PYM1: variants seen among roughly 807,000 people sequenced by gnomAD.
PYM1 encodes partner of Y14 and mago.
In PYM1, 7 loss-of-function variants were observed where a neutral mutation model predicts 20.7. That is an observed-to-expected ratio of 0.34 (90% CI 0.19 to 0.64). PYM1 has a LOEUF of 0.64. Among genes scored for constraint, PYM1 ranks in the 30% least tolerant of loss-of-function variants. PYM1 has a pLI of 0.74. For synonymous variants in PYM1, 100 were observed against 99.2 expected (o/e 1.01, Z -0.05); for missense variants, 194 against 250.0 (o/e 0.78, Z 1.51).
chr12:55,915,169 C>T (rs1257277256), intron 1 of PYM1, among the ~76,000 whole-genome samples: 1 of 129,582 alleles, frequency 7.7e-6, no homozygotes, highest in Non-Finnish European at 1.6e-5. Flanking sequence ...AAGCCAAGAT[C>T]GTGCCACTGC....
chr12:55,921,260 T>C (rs1476423874), intron 1 of PYM1, among the ~76,000 whole-genome samples: 1 of 152,208 alleles, frequency 6.6e-6, no homozygotes, highest in Non-Finnish European at 1.5e-5. Context: ...TGTTGGACAC[T>C]TTTTATGTGC....
intron 1 of PYM1, among the ~76,000 whole-genome samples, chr12:55,920,233 T>C (rs1305796512): frequency 6.6e-6 from 1 of 151,154 alleles, no homozygotes; most frequent in Non-Finnish European, 1.5e-5. Flanking sequence ...GAAAAACTAG[T>C]TGCTCATGCC....
intron 2 of PYM1, 71 bp from the exon 3 acceptor site, chr12:55,902,426 A>G: frequency 6.6e-7 from 1 of 1,523,400 alleles, no homozygotes; most frequent in Non-Finnish European, 8.8e-7. Context: ...TTAAACTTCC[A>G]AACACTTCAT....
At position 55,923,518 on chromosome 12, in the gene PYM1, T is replaced by C. The variant is rs1437695800; in HGVS notation, c.37+4207A>G. Among the ~76,000 whole-genome samples the C allele has an allele frequency of 3.3e-5, 5 of 151,242 alleles. No individual in the cohort carries two copies. The South Asian group carries it at 1.0e-3, about 31-fold the overall frequency. ...AAGTTAAGACTACAGTAAATGGTGA[T>C]TGCACCACTGCACTCCAGCCTGGGT... On this transcript the variant is annotated intron_variant, in intron 1 of 2. Coordinates refer to ENST00000408946, the MANE Select transcript of PYM1 (RefSeq NM_032345.3).
intron 1 of PYM1, among the ~76,000 whole-genome samples, chr12:55,905,892 T>TTA (rs1227127318): frequency 1.4e-5 from 1 of 69,470 alleles, no homozygotes; most frequent in Non-Finnish European, 3.0e-5. Context: ...ATATATATTA[T>TTA]TATATATATC....
At chr12:55,902,379 GA>G in intron 2 of PYM1, 24 bp from the exon 3 acceptor site, 1 of 1,579,564 alleles carries the variant, frequency 6.3e-7, no homozygotes, top group Non-Finnish European at 8.6e-7. Flanking sequence ...AGGATGTCAA[GA>G]GTTTCAGAGA....
In PYM1 at chr12:55,902,056, G is replaced by A; in HGVS notation, c.431C>T (p.Ser144Leu). 1 of 1,614,136 alleles carries A rather than the reference G, an allele frequency of 6.2e-7. No individual in the cohort carries two copies. Among genetic ancestry groups the A allele is most frequent in the Non-Finnish European group, 8.5e-7 (1 of 1,180,030 alleles). ...CTTGGCTTTCTCAGTGGTGGCAGCTGAGTCAGGCTGGTCAGATGCAGCTGT... is the reference window on the plus strand; with the variant it reads ...CTTGGCTTTCTCAGTGGTGGCAGCTAAGTCAGGCTGGTCAGATGCAGCTGT... ...APTAASDQPD[S>L]AATTEKAKKI... The change falls in exon 3 of 3, where the codon TCA becomes TTA. Residue 144 changes from serine (S) to leucine (L), a missense_variant. Ser to Leu is a moderately radical substitution (Grantham distance 145). Around this residue, in one of 3 missense-constraint regions of PYM1, gnomAD observed 158 missense variants for 179.0 expected, o/e 0.88. Transcript: ENST00000408946.
intron 1 of PYM1, among the ~76,000 whole-genome samples, chr12:55,911,750 A>T (rs909944528): frequency 6.6e-6 from 1 of 151,690 alleles, no homozygotes; most frequent in African/African-American, 2.4e-5. Context: ...CTGAGGCAGG[A>T]GAATCACTTG....
At chr12:55,923,901 C>T (rs1412666805) in intron 1 of PYM1, among the ~76,000 whole-genome samples, 13 of 152,122 alleles carry the variant, frequency 8.5e-5, no homozygotes, top group Admixed American at 6.6e-4. Flanking sequence ...TATGATGAAA[C>T]CCTGTCTCTA....
chr12:55,905,987 A>ATCTATTAGATAT (rs1565714584), intron 1 of PYM1, among the ~76,000 whole-genome samples: 18 of 124,436 alleles, frequency 1.4e-4, no homozygotes, highest in African/African-American at 3.4e-4. Flanking sequence ...TATTATATAT[A>ATCTATTAGATAT]ATATAAAATA....
chr12:55,916,701 G>C (rs1037120457), intron 1 of PYM1, among the ~76,000 whole-genome samples: 3 of 152,188 alleles, frequency 2.0e-5, no homozygotes, highest in East Asian at 1.9e-4. Context: ...GGGAGGCTGA[G>C]GCAGAAGAAT....
At chr12:55,926,608 G>C (rs1883191630) in intron 1 of PYM1, among the ~76,000 whole-genome samples, 1 of 152,180 alleles carries the variant, frequency 6.6e-6, no homozygotes, top group East Asian at 1.9e-4. Context: ...GAGAGGAAAA[G>C]GTACTATGTA....
At chr12:55,912,279 G>T (rs1882936789) in intron 1 of PYM1, among the ~76,000 whole-genome samples, 1 of 151,970 alleles carries the variant, frequency 6.6e-6, no homozygotes, top group African/African-American at 2.4e-5. Context: ...TTGAGTCTGG[G>T]AAGTGGAGGT....
intron 1 of PYM1, chr12:55,927,144 C>G: frequency 6.4e-7 from 1 of 1,551,422 alleles, no homozygotes; most frequent in Non-Finnish European, 8.7e-7. Context: ...CGTGAGCGGG[C>G]TGGGGTCCCG....
At chr12:55,924,964 C>T (rs1465832421) in intron 1 of PYM1, among the ~76,000 whole-genome samples, 2 of 152,072 alleles carry the variant, frequency 1.3e-5, no homozygotes, top group African/African-American at 4.8e-5. Context: ...GGATTATAGG[C>T]GTGAGCCGCC....
At chr12:55,907,722 T>C (rs996200001) in intron 1 of PYM1, among the ~76,000 whole-genome samples, 4 of 151,350 alleles carry the variant, frequency 2.6e-5, no homozygotes, top group Admixed American at 2.6e-4. Context: ...GTGGATCACT[T>C]AAGGTCAGGA....
intron 1 of PYM1, among the ~76,000 whole-genome samples, chr12:55,915,341 C>T (rs533682062): frequency 6.6e-6 from 1 of 151,498 alleles, no homozygotes; most frequent in African/African-American, 2.4e-5. Flanking sequence ...CTGGTTATCT[C>T]CACAAATACA....
chr12:55,903,407 C>T lies in PYM1; in HGVS notation c.111G>A (p.Val37=). Residue 37 remains valine, a synonymous_variant, in exon 2 of 3, where the codon GTG becomes GTA. Transcript: ENST00000408946. Reference sequence around the variant, plus strand: ...CGTACACTGGGACCTCCTCCTGGGGCACATATCCTTCTTTCACCCTCCGCT... The same window carrying T: ...CGTACACTGGGACCTCCTCCTGGGGTACATATCCTTCTTTCACCCTCCGCT... ...RKQRRVKEGY[V]PQEEVPVYEN... 6.2e-7 allele frequency: 1 copy of T among 1,614,070 alleles called. No homozygotes were observed. Among genetic ancestry groups the T allele is most frequent in the East Asian group, 2.2e-5 (1 of 44,868 alleles).
chr12:55,927,293 G>GATATAACTAGCCC, intron 1 of PYM1: 1 of 948,214 alleles, frequency 1.1e-6, no homozygotes, highest in Non-Finnish European at 1.7e-6. Context: ...AAATAAAGCC[G>GATATAACTAGCCC]TGGGCTTTTT....
Sources: gnomAD v4.1 joint callset for allele counts (sites outside exome capture counted in the v4.1 genomes callset) on GRCh38, gnomAD v4.1.1 for gene constraint, gnomAD v4.1.1 regional missense constraint, MANE v1.5 for transcripts, NCBI Gene and HGNC (gene_info 2026-07-23, HGNC 2026-07-21) for gene names.